The following LRRN2 variants were observed in gnomAD, a reference collection of about 807,000 sequenced individuals.
The protein encoded by LRRN2 is leucine-rich repeat neuronal protein 2.
Under a neutral mutation model 35.7 loss-of-function variants are expected in LRRN2, and 10 were observed. That is an observed-to-expected ratio of 0.28 (90% confidence interval 0.17 to 0.47). The LOEUF is 0.47. Among genes scored for constraint, LRRN2 ranks in the 20% least tolerant of loss-of-function variants. LRRN2 has a pLI of 0.99. For synonymous variants in LRRN2, 391 were observed against 409.6 expected (o/e 0.95, Z 0.55); for missense variants, 731 against 940.3 (o/e 0.78, Z 2.91).
At chr1:204,627,351 G>A (rs1667466348) in intron 1 of LRRN2, 1 of 152,222 alleles carries the variant, frequency 6.6e-6, no homozygotes, top group Non-Finnish European at 1.5e-5. Flanking sequence ...GGTGGGAAGG[G>A]ACTGGAGGGC....
At chr1:204,635,473 C>G (rs1406805150) in intron 1 of LRRN2, among the ~76,000 whole-genome samples, 1 of 152,162 alleles carries the variant, frequency 6.6e-6, no homozygotes, top group East Asian at 1.9e-4. Flanking sequence ...CACCTCTGCT[C>G]CCTGCTGCAG....
intron 1 of LRRN2, among the ~76,000 whole-genome samples, chr1:204,657,795 G>A (rs531760639): frequency 2.7e-4 from 41 of 152,032 alleles, no homozygotes; most frequent in African/African-American, 4.8e-4. Flanking sequence ...GTATAATGTC[G>A]TCTCTCAACT....
rs1199076166 is a variant in LRRN2 at position 204,618,122 on chromosome 1, G to C, written c.1871C>G (p.Ala624Gly). The C allele has an allele frequency of 2.5e-6, 4 of 1,613,974 alleles. No homozygotes were observed. In the African/African-American group the frequency reaches 5.3e-5, roughly 22 times the overall value. ...RTKEATSCHR[A>G]LGDRPGLIAI... ...AATGAGCCCAGGACGGTCCCCTAAG[G>C]CTCTGTGGCAAGAAGTGGCCTCTTT... Residue 624 changes from alanine to glycine, a missense_variant, in exon 2 of 2, where the codon GCC becomes GGC. Transcript: ENST00000367177.
chr1:204,648,908 C>G (rs933854332), intron 1 of LRRN2, among the ~76,000 whole-genome samples: 2 of 152,174 alleles, frequency 1.3e-5, no homozygotes, highest in African/African-American at 2.4e-5. Flanking sequence ...AGAACAGAGG[C>G]CTTTCCACTA....
At position 204,619,168 on chromosome 1, in the gene LRRN2, C is replaced by G. The variant is rs2102565847; in HGVS notation, c.825G>C (p.Arg275=). ...FLDLNKNPLQ[R]VGPGDFANML... is the part of the protein sequence containing the mutation. ...TGTTGGCAAAGTCCCCCGGCCCTACCCGCTGGAGCGGGTTCTTGTTGAGGT... is the reference window on the plus strand; with the variant it reads ...TGTTGGCAAAGTCCCCCGGCCCTACGCGCTGGAGCGGGTTCTTGTTGAGGT... The change falls in exon 2 of 2, where the codon CGG becomes CGC. Residue 275 remains arginine (R), a synonymous_variant. Transcript: ENST00000367177. 1 of 1,614,092 alleles carries G rather than the reference C, an allele frequency of 6.2e-7. No individual in the cohort carries two copies. The highest frequency in any genetic ancestry group is 2.2e-5 in the East Asian group (1 of 44,876).
Position 204,638,867 on chromosome 1 carries a change from A to G in LRRN2, c.-226-18649T>C, listed in dbSNP as rs558750434. Reference sequence around the variant, plus strand: ...AAATCCCAGACCAAAGAAGCTGTTCATCTGCCTGGCTAGTGGGACGCCACC... The same window carrying G: ...AAATCCCAGACCAAAGAAGCTGTTCGTCTGCCTGGCTAGTGGGACGCCACC... On this transcript the variant is annotated intron_variant, in intron 1 of 1. Transcript: ENST00000367177. 2.0e-5 allele frequency among the ~76,000 whole-genome samples: 3 copies of G among 152,338 alleles called. No individual in the cohort carries two copies. In the East Asian group the frequency reaches 5.8e-4, roughly 29 times the overall value.
chr1:204,618,060 C>G lies in LRRN2; in HGVS notation c.1933G>C (p.Gly645Arg). The G allele has an allele frequency of 1.2e-6, 2 of 1,613,688 alleles. No individual in the cohort carries two copies. Among genetic ancestry groups the G allele is most frequent in the Non-Finnish European group, 1.7e-6 (2 of 1,179,804 alleles). Residue 645 changes from glycine to arginine, a missense_variant, in exon 2 of 2, where the codon GGG becomes CGG. Around this residue, in one of 3 missense-constraint regions of LRRN2, gnomAD observed 229 missense variants for 258.4 expected, o/e 0.89. Coordinates refer to ENST00000367177, the MANE Select transcript of LRRN2 (RefSeq NM_201630.2). ...CCTGTGCCAAGGTGGGCCGCTAGCC[C>G]AGCTGCCAGGAGAAGGACAGCGAGA... Reference protein sequence around the residue: ...LALAVLLLAAGLAAHLGTGQP... With the variant: ...LALAVLLLAARLAAHLGTGQP...
intron 1 of LRRN2, among the ~76,000 whole-genome samples, chr1:204,682,411 G>C (rs1247211131): frequency 1.3e-5 from 2 of 152,326 alleles, no homozygotes; most frequent in Non-Finnish European, 2.9e-5. Context: ...AGTTAGGTTA[G>C]AATGTAAGCC....
chr1:204,630,565 C>A (rs1484727318), intron 1 of LRRN2, among the ~76,000 whole-genome samples: 1 of 151,250 alleles, frequency 6.6e-6, no homozygotes, highest in East Asian at 2.0e-4. Flanking sequence ...GCTGCCTGCT[C>A]CCTGTCAGCT....
chr1:204,642,668 C>T (rs1341386720), intron 1 of LRRN2, among the ~76,000 whole-genome samples: 1 of 152,204 alleles, frequency 6.6e-6, no homozygotes, highest in East Asian at 1.9e-4. Context: ...CGGCAGGACT[C>T]ATCCCTACAC....
chr1:204,641,398 G>C (rs1008998975), intron 1 of LRRN2, among the ~76,000 whole-genome samples: 1 of 152,124 alleles, frequency 6.6e-6, no homozygotes, highest in South Asian at 2.1e-4. Flanking sequence ...TTCTTTTAGA[G>C]AGCCTCTCTG....
chr1:204,620,425 C>T (rs974242032), intron 1 of LRRN2: 2 of 202,408 alleles, frequency 9.9e-6, no homozygotes, highest in African/African-American at 4.7e-5. Context: ...AGGCACCTGC[C>T]ACCACTCCTG....
At chr1:204,643,390 A>T (rs11240237) in intron 1 of LRRN2, among the ~76,000 whole-genome samples, 1 of 151,938 alleles carries the variant, frequency 6.6e-6, no homozygotes, top group Non-Finnish European at 1.5e-5. Context: ...AGCTTTTATC[A>T]ACTTTTGAGA....
chr1:204,636,995 A>T (rs921859921), intron 1 of LRRN2, among the ~76,000 whole-genome samples: 1 of 152,204 alleles, frequency 6.6e-6, no homozygotes, highest in African/African-American at 2.4e-5. Flanking sequence ...GAAATGCACC[A>T]AAATTAAGAT....
At chr1:204,680,541 G>A (rs1351913428) in intron 1 of LRRN2, among the ~76,000 whole-genome samples, 4 of 152,250 alleles carry the variant, frequency 2.6e-5, no homozygotes, top group Non-Finnish European at 4.4e-5. Flanking sequence ...AGAAGGCAGA[G>A]TGCAAGGCCT....
In LRRN2 at chr1:204,679,811, G is replaced by A. The variant is rs576454312; in HGVS notation, c.-227+5509C>T. ...GAGGATAGTGGCTCCATGTGGCCCC[G>A]AGGCACTTAGCTGAGACAGAAGGAA... On this transcript the variant is annotated intron_variant, in intron 1 of 1. Coordinates refer to ENST00000367177, the MANE Select transcript of LRRN2 (RefSeq NM_201630.2). Among the ~76,000 whole-genome samples the A allele has an allele frequency of 3.5e-3, 536 of 152,306 alleles. 3 individuals carry two copies. The highest frequency in any genetic ancestry group is 5.1e-3 in the Non-Finnish European group (345 of 68,024).
At chr1:204,650,249 G>A (rs1000465883) in intron 1 of LRRN2, among the ~76,000 whole-genome samples, 3 of 152,276 alleles carry the variant, frequency 2.0e-5, no homozygotes, top group Non-Finnish European at 4.4e-5. Context: ...AAAATCAGGA[G>A]TGAGATGACA....
intron 1 of LRRN2, among the ~76,000 whole-genome samples, chr1:204,682,265 C>T (rs998341151): frequency 7.2e-5 from 11 of 152,292 alleles, no homozygotes; most frequent in African/African-American, 2.6e-4. Flanking sequence ...AGTCATTGCC[C>T]TCCCTGCCTC....
intron 1 of LRRN2, among the ~76,000 whole-genome samples, chr1:204,642,253 T>G (rs1230216461): frequency 6.6e-6 from 1 of 152,182 alleles, no homozygotes; most frequent in African/African-American, 2.4e-5. Flanking sequence ...CTCTAGCACC[T>G]CTCTCCCCAG....
Sources: gnomAD v4.1 joint callset for allele counts (sites outside exome capture counted in the v4.1 genomes callset) on GRCh38, gnomAD v4.1.1 for gene constraint, gnomAD v4.1.1 regional missense constraint, MANE v1.5 for transcripts, NCBI Gene and HGNC (gene_info 2026-07-23, HGNC 2026-07-21) for gene names.